SND1: variants seen among roughly 807,000 people sequenced by gnomAD.
SND1 encodes the protein staphylococcal nuclease and tudor domain containing 1, also known as staphylococcal nuclease domain-containing protein 1.
Under a neutral mutation model 121.7 loss-of-function variants are expected in SND1, and 38 were observed. That is an observed-to-expected ratio of 0.31 (90% CI 0.24 to 0.41). The LOEUF (loss-of-function observed/expected upper bound fraction) is 0.41. SND1 is among the 10% of genes least tolerant of loss of function. The probability of loss-of-function intolerance (pLI) is 1.00; values close to 1 mark genes in which losing one functional copy is unlikely to be tolerated. For missense variants in SND1, 868 were observed against 1,184.6 expected, an observed-to-expected ratio of 0.73 and a Z score of 3.92; for synonymous variants, 401 against 447.4, an observed-to-expected ratio of 0.90 and a Z score of 1.31.
rs74522487 is a variant in SND1, at chr7:127,997,194, G to T, written c.1779+6138G>T. On this transcript the variant is annotated intron_variant, in intron 16 of 23. Transcript: ENST00000354725. ...GACATATACTAAAACTCAAATATCT[G>T]CATTCCAAATCAAATGCTTTTTCTC... is the stretch of plus-strand genomic sequence containing the variant. Among the ~76,000 whole-genome samples, 212 of 152,228 alleles carry T rather than the reference G, an allele frequency of 1.4e-3. 8 individuals are homozygous for T. In the East Asian group the frequency reaches 0.038, roughly 27 times the overall value.
intron 1 of SND1, among the ~76,000 whole-genome samples, chr7:127,680,207 G>A (rs865982753): frequency 8.5e-5 from 13 of 152,102 alleles, no homozygotes; most frequent in South Asian, 2.1e-4. Context: ...ACTTCACAAG[G>A]TAATAGACTA....
chr7:127,683,848 G>A (rs1795769605), intron 1 of SND1, among the ~76,000 whole-genome samples: 1 of 152,096 alleles, frequency 6.6e-6, no homozygotes, highest in African/African-American at 2.4e-5. Context: ...AATCATCTCC[G>A]TAACATTGAT....
chr7:127,779,236 T>G (rs1437417356), intron 10 of SND1, among the ~76,000 whole-genome samples: 1 of 152,178 alleles, frequency 6.6e-6, no homozygotes, highest in Non-Finnish European at 1.5e-5. Flanking sequence ...GATACGTGGT[T>G]GTTGGAGTCA....
intron 3 of SND1, among the ~76,000 whole-genome samples, chr7:127,696,823 T>G (rs1796013615): frequency 6.6e-6 from 1 of 152,260 alleles, no homozygotes; most frequent in African/African-American, 2.4e-5. Flanking sequence ...ATTTAGTATG[T>G]TAACACATTA....
At chr7:128,039,019 G>A (rs1038218287) in intron 16 of SND1, among the ~76,000 whole-genome samples, 2 of 152,100 alleles carry the variant, frequency 1.3e-5, no homozygotes, top group African/African-American at 4.8e-5. Flanking sequence ...CTTCATCCCT[G>A]CCTGCACCTC....
chr7:127,852,490 T>TA (rs779324036), intron 12 of SND1, among the ~76,000 whole-genome samples: 3,288 of 83,856 alleles, frequency 0.039, 119 homozygotes, highest in African/African-American at 0.12. Flanking sequence ...AGACTCCCTC[T>TA]AAAAAAAAAA....
At position 128,015,713 on chromosome 7, in the gene SND1, A is replaced by G. The variant is rs993489771; in HGVS notation, c.1779+24657A>G. Reference sequence around the variant, plus strand: ...GGGTGACCTTGTTCAAGAGAAAGATATGGCTGCAGCAGCCCCAGGACACCA... The same window carrying G: ...GGGTGACCTTGTTCAAGAGAAAGATGTGGCTGCAGCAGCCCCAGGACACCA... On this transcript the variant is annotated intron_variant, in intron 16 of 23. Transcript: ENST00000354725. This position sits in a 1 kb window ranked among gnomAD's most constrained non-coding sequence, Gnocchi z 4.5. 2.0e-5 allele frequency among the ~76,000 whole-genome samples: 3 copies of G among 152,172 alleles called. No homozygotes were observed. Among genetic ancestry groups the G allele is most frequent in the African/African-American group, 7.2e-5 (3 of 41,440 alleles).
In SND1 at chr7:127,724,249, A is replaced by C. The variant is rs111807547; in HGVS notation, c.1152+2849A>C. Among the ~76,000 whole-genome samples, 278 of 152,328 alleles carry C rather than the reference A, an allele frequency of 1.8e-3. 1 individual carries two copies. The highest frequency in any genetic ancestry group is 5.9e-3 in the African/African-American group (244 of 41,562). Reference sequence around the variant, plus strand: ...ATGAAAGAAAAGCTTAGAGTTTAGGAGAGTGCATAGTTTGGGAAGGCTACT... The same window carrying C: ...ATGAAAGAAAAGCTTAGAGTTTAGGCGAGTGCATAGTTTGGGAAGGCTACT... On this transcript the variant is annotated intron_variant, in intron 10 of 23. Coordinates refer to ENST00000354725, the MANE Select transcript of SND1 (RefSeq NM_014390.4).
intron 16 of SND1, among the ~76,000 whole-genome samples, chr7:128,043,293 T>C (rs577667454): frequency 6.6e-6 from 1 of 152,188 alleles, no homozygotes; most frequent in Non-Finnish European, 1.5e-5. Flanking sequence ...TTTGCCCTAA[T>C]TATTTTGAAT....
At chr7:127,718,681 A>G (rs1796434339) in intron 9 of SND1, 4 of 985,228 alleles carry the variant, frequency 4.1e-6, no homozygotes, top group African/African-American at 1.7e-5. Flanking sequence ...CTGCTAACAT[A>G]TTACAAGGGG....
At chr7:128,068,881 A>G (rs1793361525) in intron 16 of SND1, among the ~76,000 whole-genome samples, 1 of 152,196 alleles carries the variant, frequency 6.6e-6, no homozygotes, top group Non-Finnish European at 1.5e-5. Flanking sequence ...AGCCAGAACA[A>G]TTTCATTAGT....
Position 127,979,385 on chromosome 7 carries a change from T to C in SND1, c.1670-11562T>C, listed in dbSNP as rs73455738. On this transcript the variant is annotated intron_variant, in intron 15 of 23. Transcript: ENST00000354725. ...GGGAGGGGAAGGGGCAGGTAGCCCC[T>C]ATTGCTGTGTCGTTTCCCTATCGGC... Among the ~76,000 whole-genome samples the C allele has an allele frequency of 3.3e-3, 498 of 152,332 alleles. 2 individuals are homozygous for C. The highest frequency in any genetic ancestry group is 0.011 in the African/African-American group (439 of 41,574).
chr7:128,037,468 AT>A (rs1463900434), intron 16 of SND1, among the ~76,000 whole-genome samples: 1 of 152,184 alleles, frequency 6.6e-6, no homozygotes, highest in African/African-American at 2.4e-5. Flanking sequence ...ATCATTTCAA[AT>A]TCCCGTCACA....
intron 16 of SND1, among the ~76,000 whole-genome samples, chr7:128,010,218 A>G (rs932213302): frequency 2.0e-5 from 3 of 152,244 alleles, no homozygotes; most frequent in African/African-American, 7.2e-5. Flanking sequence ...CTTATAATGA[A>G]TCCATTCATT....
At chr7:128,069,812 A>C (rs1456553295) in intron 16 of SND1, among the ~76,000 whole-genome samples, 1 of 152,212 alleles carries the variant, frequency 6.6e-6, no homozygotes, top group Non-Finnish European at 1.5e-5. Context: ...CCCAGAATTC[A>C]TGCAGGTCTA....
intron 16 of SND1, among the ~76,000 whole-genome samples, chr7:128,040,483 T>TA (rs754875856): frequency 0.01 from 822 of 80,774 alleles, 6 homozygotes; most frequent in East Asian, 0.07. Flanking sequence ...GTTTGACACC[T>TA]AAAAAAAAAA....
chr7:127,694,767 A>C, intron 2 of SND1, 61 bp from the exon 3 acceptor site: 1 of 1,597,994 alleles, frequency 6.3e-7, no homozygotes, highest in Non-Finnish European at 8.6e-7. Context: ...AAGTTGCTTG[A>C]ATGCTGATTG....
chr7:128,061,174 T>C (rs1019768755), intron 16 of SND1, among the ~76,000 whole-genome samples: 1 of 152,100 alleles, frequency 6.6e-6, no homozygotes, highest in Admixed American at 6.5e-5. Flanking sequence ...GGGACATTGG[T>C]TTGAAGTGGA....
At chr7:127,710,447 CAAA>C (rs33999230) in intron 9 of SND1, among the ~76,000 whole-genome samples, 2 of 120,008 alleles carry the variant, frequency 1.7e-5, no homozygotes, top group Non-Finnish European at 3.5e-5. Context: ...AAGCTTACTA[CAAA>C]AAAAAAAAAA....
Sources: gnomAD v4.1 joint callset for allele counts (sites outside exome capture counted in the v4.1 genomes callset) on GRCh38, gnomAD v4.1.1 for gene constraint, Gnocchi (gnomAD v3.1) non-coding constraint, MANE v1.5 for transcripts, NCBI Gene and HGNC (gene_info 2026-07-23, HGNC 2026-07-21) for gene names.